Variants in COL14A1 observed in about 807,000 individuals in gnomAD.
COL14A1 encodes the protein collagen type XIV alpha 1 chain.
A neutral mutation model predicts 230.3 loss-of-function variants in COL14A1; 136 were observed. The observed-to-expected ratio is 0.59, with a 90% CI of 0.51 to 0.68. The LOEUF is 0.68. Among genes scored for constraint, COL14A1 ranks in the 30% least tolerant of loss-of-function variants. The pLI is 0.00. For missense variants in COL14A1, 1,976 were observed against 2,215.8 expected (o/e 0.89, Z 2.17); for synonymous variants, 792 against 784.1 (o/e 1.01, Z -0.17).
At chr8:120,148,261 T>A (rs376853685) in intron 2 of COL14A1, among the ~76,000 whole-genome samples, 1 of 151,630 alleles carries the variant, frequency 6.6e-6, no homozygotes, top group South Asian at 2.1e-4. Context: ...GCCTCCCAAG[T>A]AGCTGGGACT....
Position 120,243,905 on chromosome 8 carries a change from C to A in COL14A1, c.2376C>A (p.Asn792Lys). The part of the protein sequence containing the change: ...GTVMVPGSQN[N>K]LLLKPLLPDT... ...TTATGGTGCCTGGAAGCCAGAACAA[C>A]CTCCTTCTGAAGCCTCTGCTTCCTG... The change falls in exon 20 of 48, where the codon AAC (asparagine) becomes AAA (lysine). Residue 792 changes from asparagine (N) to lysine (K), a missense_variant. Asn to Lys is a moderately conservative substitution (Grantham distance 94). This residue lies in a region of COL14A1 where 1,791 missense variants were observed against 2,019.5 expected (regional missense o/e 0.89). Coordinates refer to ENST00000297848, the MANE Select transcript of COL14A1 (RefSeq NM_021110.4). The A allele has an allele frequency of 6.2e-7, 1 of 1,613,636 alleles. No homozygotes were observed.
At chr8:120,204,363 C>T (rs1441327181) in intron 9 of COL14A1, among the ~76,000 whole-genome samples, 1 of 152,172 alleles carries the variant, frequency 6.6e-6, no homozygotes, top group East Asian at 1.9e-4. Context: ...TCCCAGACAA[C>T]CACTACTCCA....
intron 19 of COL14A1, among the ~76,000 whole-genome samples, chr8:120,241,020 T>C (rs1221645409): frequency 2.6e-5 from 4 of 152,202 alleles, no homozygotes; most frequent in Non-Finnish European, 5.9e-5. Context: ...TTCAGAATTT[T>C]CTAGAGCCTC....
At chr8:120,321,139 C>T (rs1821424610) in intron 40 of COL14A1, among the ~76,000 whole-genome samples, 1 of 152,116 alleles carries the variant, frequency 6.6e-6, no homozygotes, top group Admixed American at 6.5e-5. Context: ...AGCAGGACTT[C>T]AACACGGAAG....
intron 22 of COL14A1, 31 bp downstream of exon 22, chr8:120,250,797 A>G (rs751361536): frequency 2.5e-6 from 4 of 1,611,540 alleles, no homozygotes; most frequent in African/African-American, 1.3e-5. Context: ...CCTCAGCCGC[A>G]TATGGGTTTT....
chr8:120,311,281 C>T (rs1200366894), intron 37 of COL14A1, among the ~76,000 whole-genome samples: 1 of 152,094 alleles, frequency 6.6e-6, no homozygotes, highest in Admixed American at 6.5e-5. Context: ...CTGGATCTTC[C>T]TCAGTTTCAC....
intron 44 of COL14A1, among the ~76,000 whole-genome samples, chr8:120,343,977 G>A (rs1822408257): frequency 6.6e-6 from 1 of 152,108 alleles, no homozygotes; most frequent in Non-Finnish European, 1.5e-5. Flanking sequence ...AAAATCATGT[G>A]TAAATATCTG....
chr8:120,175,733 G>A (rs1004845678), intron 5 of COL14A1, among the ~76,000 whole-genome samples: 4 of 152,076 alleles, frequency 2.6e-5, no homozygotes, highest in African/African-American at 9.7e-5. Flanking sequence ...AATATTTTCT[G>A]TTTTGCTTTT....
chr8:120,303,829 G>T (rs1820785497), intron 36 of COL14A1, among the ~76,000 whole-genome samples: 1 of 151,974 alleles, frequency 6.6e-6, no homozygotes, highest in African/African-American at 2.4e-5. Context: ...GCTCTTCTTT[G>T]TACATCTTGT....
intron 9 of COL14A1, among the ~76,000 whole-genome samples, chr8:120,206,458 TC>T (rs1434248172): frequency 2.6e-5 from 4 of 152,184 alleles, no homozygotes; most frequent in African/African-American, 9.7e-5. Flanking sequence ...TAAGTGATTC[TC>T]CTGCCTCAGC....
intron 35 of COL14A1, 123 bp downstream of exon 35, chr8:120,297,711 A>G: frequency 2.1e-6 from 1 of 471,426 alleles, no homozygotes; most frequent in Non-Finnish European, 3.5e-6. Context: ...TTAGAAAGAG[A>G]TTAATAAAGA....
At chr8:120,170,828 T>G (rs1163150223) in intron 5 of COL14A1, among the ~76,000 whole-genome samples, 1 of 152,092 alleles carries the variant, frequency 6.6e-6, no homozygotes, top group Non-Finnish European at 1.5e-5. Flanking sequence ...ACCTTTATTT[T>G]ATTTAGTACT....
At chr8:120,189,923 T>A (rs1004038784) in intron 5 of COL14A1, among the ~76,000 whole-genome samples, 1 of 151,790 alleles carries the variant, frequency 6.6e-6, no homozygotes, top group Admixed American at 6.6e-5. Context: ...TTTGCTATCG[T>A]GAATAGTGCC....
chr8:120,278,474 C>T lies in COL14A1; in HGVS notation c.3377C>T (p.Ala1126Val), dbSNP rs114115928. ...IKYVRDTLFT[A>V]ESGTRRGIPK... is the part of the protein sequence containing the mutation. The stretch of plus-strand genomic sequence containing the variant: ...TATGTTCGAGATACCTTGTTCACTG[C>T]AGAGTCAGGTACAAGAAGGGGCATC... Residue 1126 changes from alanine (A) to valine (V), a missense_variant, in exon 28 of 48, where the codon GCA becomes GTA. Physicochemically the swap from Ala to Val is moderately conservative, Grantham distance 64. Coordinates refer to ENST00000297848, the MANE Select transcript of COL14A1 (RefSeq NM_021110.4). 84 of 1,613,078 alleles carry T rather than the reference C, an allele frequency of 5.2e-5. No homozygotes were observed. The African/African-American group carries it at 1.0e-3, about 20-fold the overall frequency.
At chr8:120,189,710 C>T (rs1360646458) in intron 5 of COL14A1, among the ~76,000 whole-genome samples, 1 of 138,846 alleles carries the variant, frequency 7.2e-6, no homozygotes, top group African/African-American at 2.6e-5. Flanking sequence ...GTTCAGTTCC[C>T]ACCTATGAGT....
intron 40 of COL14A1, among the ~76,000 whole-genome samples, chr8:120,330,925 G>T (rs934056517): frequency 1.3e-5 from 2 of 152,034 alleles, no homozygotes; most frequent in African/African-American, 4.8e-5. Context: ...GACGAACATG[G>T]AGAAACCCCA....
chr8:120,250,764 C>T lies in COL14A1; in HGVS notation c.2750C>T (p.Thr917Ile), dbSNP rs769160714. The part of the protein sequence containing the change: ...FSDALTGMVK[T>I]LFLGVTNLQA... ...GACGCCCTGACAGGCATGGTGAAAA[C>T]ATGTAAGAGCCATTTCCGATGGCCT... The change falls in exon 22 of 48, where the codon ACA becomes ATA. Residue 917 changes from threonine (T) to isoleucine (I), a missense_variant and splice_region_variant. Around this residue, in one of 3 missense-constraint regions of COL14A1, gnomAD observed 1,791 missense variants for 2,019.5 expected, o/e 0.89. Coordinates refer to ENST00000297848, the MANE Select transcript of COL14A1 (RefSeq NM_021110.4). The T allele has an allele frequency of 3.1e-6, 5 of 1,613,722 alleles. No homozygotes were observed. The highest frequency in any genetic ancestry group is 4.2e-6 in the Non-Finnish European group (5 of 1,179,932).
intron 11 of COL14A1, among the ~76,000 whole-genome samples, chr8:120,209,352 G>T (rs1006524220): frequency 6.6e-6 from 1 of 152,052 alleles, no homozygotes; most frequent in Non-Finnish European, 1.5e-5. Flanking sequence ...GACAGAGGAA[G>T]AACAGGTCTC....
intron 34 of COL14A1, among the ~76,000 whole-genome samples, chr8:120,291,990 AG>A (rs1381506627): frequency 5.3e-5 from 8 of 152,188 alleles, no homozygotes; most frequent in African/African-American, 1.9e-4. Context: ...GAAATTAAAT[AG>A]AATGTTGTCT....
Sources: allele counts gnomAD v4.1 joint callset (sites outside exome capture counted in the v4.1 genomes callset), GRCh38; gene constraint gnomAD v4.1.1; regional missense constraint gnomAD v4.1.1; transcripts MANE v1.5; gene names NCBI Gene and HGNC (gene_info 2026-07-23, HGNC 2026-07-21).